The following FRMD3 variants were observed in gnomAD, a reference collection of about 807,000 sequenced individuals.
FRMD3 encodes FERM domain containing 3.
In FRMD3, 33 loss-of-function variants were observed where a neutral mutation model predicts 70.2. That is an observed-to-expected ratio of 0.47 (90% CI 0.36 to 0.63). The LOEUF is 0.63. Ranked by LOEUF, FRMD3 falls within the 20% of genes least tolerant of loss-of-function variation. FRMD3 has a pLI of 0.00. For synonymous variants in FRMD3, 279 were observed against 255.9 expected, an observed-to-expected ratio of 1.09 and a Z score of -0.86; for missense variants, 632 against 711.4, an observed-to-expected ratio of 0.89 and a Z score of 1.27.
chr9:83,352,271 GA>G (rs1824186601), intron 3 of FRMD3, among the ~76,000 whole-genome samples: 1 of 152,216 alleles, frequency 6.6e-6, no homozygotes, highest in African/African-American at 2.4e-5. Context: ...ATGTTTTAAA[GA>G]GAGCAGAAAA....
chr9:83,507,924 G>A (rs1829242150), intron 1 of FRMD3, among the ~76,000 whole-genome samples: 1 of 151,448 alleles, frequency 6.6e-6, no homozygotes, highest in African/African-American at 2.4e-5. Flanking sequence ...ACTACGTACT[G>A]TACATAATTA....
chr9:83,273,182 G>C (rs201330368), intron 13 of FRMD3, among the ~76,000 whole-genome samples: 4 of 137,076 alleles, frequency 2.9e-5, no homozygotes, highest in Admixed American at 2.9e-4. Flanking sequence ...TGGTTTTGTC[G>C]AATAGAAAAG....
At chr9:83,326,764 AGT>A (rs886913827) in intron 6 of FRMD3, among the ~76,000 whole-genome samples, 7 of 152,258 alleles carry the variant, frequency 4.6e-5, no homozygotes, top group Admixed American at 4.6e-4. Context: ...TCAGATTAAT[AGT>A]GTCTCTAATG....
chr9:83,572,267 G>C, the FRMD3 span, among the ~76,000 whole-genome samples: 1 of 152,124 alleles, frequency 6.6e-6, no homozygotes, highest in African/African-American at 2.4e-5. Context: ...ACTGTTTCAA[G>C]AGATGGGGAT....
At chr9:83,452,684 G>T (rs111609568) in intron 1 of FRMD3, among the ~76,000 whole-genome samples, 2,790 of 151,808 alleles carry the variant, frequency 0.018, 39 homozygotes, top group Non-Finnish European at 0.027. Context: ...GGGTTTCACC[G>T]TGTTAGCCAG....
At position 83,259,633 on chromosome 9, in the gene FRMD3, A is replaced by C. The variant is rs528617415; in HGVS notation, c.1196-11117T>G. On this transcript the variant is annotated intron_variant, in intron 13 of 13. Transcript: ENST00000304195. Reference sequence around the variant, plus strand: ...GTGTAGGTAGACTGTGTTTTCTAAAAGTTACACCTCAGGATGGTAGCGAGA... The same window carrying C: ...GTGTAGGTAGACTGTGTTTTCTAAACGTTACACCTCAGGATGGTAGCGAGA... Among the ~76,000 whole-genome samples, 12 of 152,304 alleles carry C rather than the reference A, an allele frequency of 7.9e-5. 1 individual carries two copies. The East Asian group carries it at 2.3e-3, about 29-fold the overall frequency.
At chr9:83,483,676 T>C (rs1362662165) in intron 1 of FRMD3, among the ~76,000 whole-genome samples, 1 of 152,102 alleles carries the variant, frequency 6.6e-6, no homozygotes, top group Non-Finnish European at 1.5e-5. Context: ...CTGCGCAACA[T>C]ACTGGGACCC....
At chr9:83,378,269 TG>T (rs200864441) in intron 2 of FRMD3, among the ~76,000 whole-genome samples, 5,851 of 143,310 alleles carry the variant, frequency 0.041, 618 homozygotes, top group African/African-American at 0.14. Flanking sequence ...TTGTTTTTTT[TG>T]TTTTTTTTGA....
In FRMD3 at chr9:83,533,983, C is replaced by T. The variant is rs796460531; in HGVS notation, c.147+4102G>A. ...TTAGCAAGGGTTGTGAATAACAATG[C>T]CGGTGTCTAAAGAAAAAAAAGTAGA... On this transcript the variant is annotated intron_variant, in intron 1 of 13. Transcript: ENST00000304195. 2.8e-4 allele frequency among the ~76,000 whole-genome samples: 42 copies of T among 152,186 alleles called. 1 individual carries two copies. Among genetic ancestry groups the T allele is most frequent in the African/African-American group, 9.6e-4 (40 of 41,522 alleles).
the FRMD3 span, among the ~76,000 whole-genome samples, chr9:83,565,676 T>G: frequency 6.6e-6 from 1 of 152,232 alleles, no homozygotes; most frequent in Non-Finnish European, 1.5e-5. Flanking sequence ...GTCAATCAAA[T>G]ACACTGATTA....
At chr9:83,399,518 C>T (rs4145729) in intron 1 of FRMD3, among the ~76,000 whole-genome samples, 67,945 of 151,924 alleles carry the variant, frequency 0.45, 15,867 homozygotes, top group East Asian at 0.61. Flanking sequence ...TCCAGATTTT[C>T]GTGCCAGGTC....
chr9:83,494,329 A>G (rs112659989), intron 1 of FRMD3, among the ~76,000 whole-genome samples: 7 of 152,388 alleles, frequency 4.6e-5, no homozygotes, highest in African/African-American at 1.7e-4. Context: ...GTGAATACTC[A>G]GAAAAATGAA....
chr9:83,274,009 C>T (rs575795417), intron 13 of FRMD3, among the ~76,000 whole-genome samples: 1 of 152,124 alleles, frequency 6.6e-6, no homozygotes, highest in African/African-American at 2.4e-5. Flanking sequence ...TTTATAGAGA[C>T]GGCATCTCAC....
At chr9:83,470,349 C>G (rs552029328) in intron 1 of FRMD3, among the ~76,000 whole-genome samples, 37 of 152,120 alleles carry the variant, frequency 2.4e-4, no homozygotes, top group African/African-American at 8.9e-4. Flanking sequence ...GGCTGCAGTC[C>G]TCACCCTGCC....
chr9:83,258,411 T>C (rs1243957044), intron 13 of FRMD3, among the ~76,000 whole-genome samples: 1 of 152,262 alleles, frequency 6.6e-6, no homozygotes, highest in Non-Finnish European at 1.5e-5. Flanking sequence ...CAGCAACTTG[T>C]ACGTGCACAA....
chr9:83,388,512 C>T (rs1443850221), intron 2 of FRMD3, among the ~76,000 whole-genome samples: 4 of 152,166 alleles, frequency 2.6e-5, no homozygotes, highest in African/African-American at 9.7e-5. Flanking sequence ...CTGGGACCCA[C>T]CCCATGAGCC....
chr9:83,492,529 G>A (rs553669128), intron 1 of FRMD3, among the ~76,000 whole-genome samples: 1 of 152,282 alleles, frequency 6.6e-6, no homozygotes, highest in African/African-American at 2.4e-5. Context: ...GCTCCCCTGG[G>A]GCCAGGGCAG....
chr9:83,450,816 A>G (rs796165100), intron 1 of FRMD3, among the ~76,000 whole-genome samples: 14 of 152,346 alleles, frequency 9.2e-5, no homozygotes, highest in African/African-American at 2.9e-4. Flanking sequence ...CAGCGGGGAC[A>G]CCGAGGGCCT....
chr9:83,301,558 G>A (rs1834930141), intron 10 of FRMD3, among the ~76,000 whole-genome samples: 1 of 152,118 alleles, frequency 6.6e-6, no homozygotes, highest in Non-Finnish European at 1.5e-5. Flanking sequence ...TCTTAATTGG[G>A]TTTTTAAAAT....
Sources: allele counts gnomAD v4.1 joint callset (sites outside exome capture counted in the v4.1 genomes callset), GRCh38; gene constraint gnomAD v4.1.1; transcripts MANE v1.5; gene names NCBI Gene and HGNC (gene_info 2026-07-23, HGNC 2026-07-21).